The following SDR42E1 variants were observed in gnomAD, a reference collection of about 807,000 sequenced individuals.
The protein encoded by SDR42E1 is short-chain dehydrogenase/reductase family 42E member 1.
In SDR42E1, 5 loss-of-function variants were observed where a neutral mutation model predicts 2.6. The ratio of observed to expected loss-of-function variants is 1.94; its 90% confidence interval spans 1.01 to 4.08. The LOEUF (loss-of-function observed/expected upper bound fraction) is 4.08, where lower values mean the gene tolerates loss of function less well. Among genes scored for constraint, SDR42E1 ranks in the 30% most tolerant of loss-of-function variants. SDR42E1 has a pLI of 0.00. For missense variants in SDR42E1, 596 were observed against 478.6 expected (o/e 1.25, Z -2.29); for synonymous variants, 231 against 188.3 (o/e 1.23, Z -1.86).
rs191827045 is a variant in SDR42E1, at chr16:81,995,672, T to G, written c.*3439A>C. The G allele has an allele frequency of 7.0e-4, 107 of 152,372 alleles. No homozygotes were observed. Among genetic ancestry groups the G allele is most frequent in the African/African-American group, 2.3e-3 (97 of 41,576 alleles). 9.4% of individuals were successfully genotyped at this position (152,372 alleles called of 1,614,324 possible). On this transcript the variant is annotated 3_prime_UTR_variant, in exon 3 of 3. Transcript: ENST00000328945. The stretch of plus-strand genomic sequence containing the variant: ...AAGATTAGAAACAGTGAGTTATCTG[T>G]GTGCTAGAAAAGAGTGTTCATCCAT...
In SDR42E1 at chr16:81,992,270, G is replaced by A. The variant is rs1912445404; in HGVS notation, c.*6841C>T. Reference sequence around the variant, plus strand: ...AGTAATTTAGTTAACTAGGGTGACAGGTTAATATTGATCATTAGCTTCATG... The same window carrying A: ...AGTAATTTAGTTAACTAGGGTGACAAGTTAATATTGATCATTAGCTTCATG... On this transcript the variant is annotated 3_prime_UTR_variant, in exon 3 of 3. Transcript: ENST00000328945. 1 of 152,162 alleles carries A rather than the reference G, an allele frequency of 6.6e-6. No homozygotes were observed. Among genetic ancestry groups the A allele is most frequent in the Non-Finnish European group, 1.5e-5 (1 of 68,036 alleles). 9.4% of individuals were successfully genotyped at this position (152,162 alleles called of 1,614,324 possible).
Position 81,999,515 on chromosome 16 carries a change from CG to C in SDR42E1, c.777del (p.Val260Ter). On this transcript the variant is annotated frameshift_variant, in exon 3 of 3. Transcript: ENST00000328945. LOFTEE classifies it low-confidence loss of function (END_TRUNC). ...GGCCGGAAGAACTCAAAGTTGTTCA[CG>C]GGTCTGCCATCTGAGATGAAGTAGG... ...GQPYFISDGR[P>X]VNNFEFFRPL... The C allele has an allele frequency of 2.5e-6, 4 of 1,614,152 alleles. No homozygotes were observed. Among genetic ancestry groups the C allele is most frequent in the African/African-American group, 2.7e-5 (2 of 75,030 alleles).
Position 81,996,008 on chromosome 16 carries a change from C to G in SDR42E1, c.*3103G>C, listed in dbSNP as rs1374108049. 6.6e-6 allele frequency: 1 copy of G among 152,244 alleles called. No individual in the cohort carries two copies. The highest frequency in any genetic ancestry group is 2.1e-4 in the South Asian group (1 of 4,826). The allele number at this position is 152,244 out of a possible 1,614,324, so 9.4% of individuals were successfully genotyped here. A position where few individuals can be genotyped will look rare whatever the true frequency, so the allele number is the denominator to read the frequency against. On this transcript the variant is annotated 3_prime_UTR_variant, in exon 3 of 3. Coordinates refer to ENST00000328945, the MANE Select transcript of SDR42E1 (RefSeq NM_145168.3). ...ACATTATTCAGGCCAAAAGGAGGAG[C>G]AGGGAGCCTGAGAAGCTTGGAGCCC...
At chr16:82,003,419 T>G (rs146586992) in intron 1 of SDR42E1, among the ~76,000 whole-genome samples, 1 of 152,316 alleles carries the variant, frequency 6.6e-6, no homozygotes, top group African/African-American at 2.4e-5. Context: ...CCCAACACAG[T>G]AGACATCAGT....
In SDR42E1 at chr16:81,990,901, C is replaced by G. The variant is rs1341159669; in HGVS notation, c.*8210G>C. On this transcript the variant is annotated 3_prime_UTR_variant, in exon 3 of 3. Coordinates refer to ENST00000328945, the MANE Select transcript of SDR42E1 (RefSeq NM_145168.3). ...CCCTTCTTTGGGAGAATTTAAACAT[C>G]TAAGGGCACCTCTACAGGCTGGACT... is the stretch of plus-strand genomic sequence containing the variant. 6.6e-6 allele frequency: 1 copy of G among 152,206 alleles called. No homozygotes were observed. Among genetic ancestry groups the G allele is most frequent in the East Asian group, 1.9e-4 (1 of 5,196 alleles). 9.4% of individuals were successfully genotyped at this position (152,206 alleles called of 1,614,324 possible).
In SDR42E1 at chr16:81,999,900, T is replaced by C. The variant is rs767905284; in HGVS notation, c.393A>G (p.Gln131=). The C allele has an allele frequency of 8.7e-6, 14 of 1,614,206 alleles. 1 individual carries two copies. The Middle Eastern group carries it at 1.3e-3, about 152-fold the overall frequency. Residue 131 remains glutamine (Q), a synonymous_variant, in exon 3 of 3, where the codon CAA becomes CAG. Coordinates refer to ENST00000328945, the MANE Select transcript of SDR42E1 (RefSeq NM_145168.3). ...GAGATTCATCCCCATTTCTGATAAC[T>C]TGACCTCCAAAGATGACATTGAAAG... ...TSTFNVIFGG[Q]VIRNGDESLP...
chr16:82,007,105 C>G (rs1014542568), intron 1 of SDR42E1, among the ~76,000 whole-genome samples: 2 of 152,224 alleles, frequency 1.3e-5, no homozygotes, highest in Non-Finnish European at 1.5e-5. Flanking sequence ...GTTTCCCAAG[C>G]TACAGTATAA....
chr16:81,989,196 G>A lies in SDR42E1; in HGVS notation c.*9915C>T, dbSNP rs1430686224. 5.3e-5 allele frequency: 8 copies of A among 152,124 alleles called. No homozygotes were observed. Among genetic ancestry groups the A allele is most frequent in the South Asian group, 2.1e-4 (1 of 4,824 alleles). 9.4% of individuals were successfully genotyped at this position (152,124 alleles called of 1,614,324 possible). On this transcript the variant is annotated 3_prime_UTR_variant, in exon 3 of 3. Coordinates refer to ENST00000328945, the MANE Select transcript of SDR42E1 (RefSeq NM_145168.3). ...ATATGCTTATCATCTTTATATACCC[G>A]GTGACCTCCTATGTCAGCAAATAAA...
In SDR42E1 at chr16:81,991,134, G is replaced by A. The variant is rs1266058745; in HGVS notation, c.*7977C>T. The A allele has an allele frequency of 6.6e-6, 1 of 152,112 alleles. No homozygotes were observed. The highest frequency in any genetic ancestry group is 6.6e-5 in the Admixed American group (1 of 15,260). 9.4% of individuals were successfully genotyped at this position (152,112 alleles called of 1,614,324 possible). A position where few individuals can be genotyped will look rare whatever the true frequency, so the allele number is the denominator to read the frequency against. ...GGTACACAAACAAGTCTTCCTGGAG[G>A]ATGTCCTCTGGGCTATTAAGTATGG... On this transcript the variant is annotated 3_prime_UTR_variant, in exon 3 of 3. Transcript: ENST00000328945.
intron 1 of SDR42E1, 42 bp from the exon 2 acceptor site, chr16:82,000,926 A>C (rs1287983224): frequency 7.4e-7 from 1 of 1,358,910 alleles, no homozygotes; most frequent in Non-Finnish European, 1.0e-6. Context: ...ATCCAAATGC[A>C]AACGTCATTC....
In SDR42E1 at chr16:82,000,182, C is replaced by T. The variant is rs775576467; in HGVS notation, c.111G>A (p.Leu37=). ...TTTGAGCAGGGCTGCTGATGTCAAA[C>T]AGAATCACATGGACTCCATTTTGGT... The part of the protein sequence containing the change: ...ALNQNGVHVI[L]FDISSPAQTI... The change falls in exon 3 of 3, where the codon CTG becomes CTA. Residue 37 remains leucine (L), a synonymous_variant. Transcript: ENST00000328945. The T allele has an allele frequency of 6.2e-7, 1 of 1,611,592 alleles. No individual in the cohort carries two copies. Among genetic ancestry groups the T allele is most frequent in the Non-Finnish European group, 8.5e-7 (1 of 1,178,622 alleles).
At position 82,002,527 on chromosome 16, in the gene SDR42E1, T is replaced by G. The variant is rs919554245; in HGVS notation, c.-26-1643A>C. 5.9e-5 allele frequency among the ~76,000 whole-genome samples: 9 copies of G among 152,334 alleles called. No homozygotes were observed. The South Asian group carries it at 1.4e-3, about 25-fold the overall frequency. On this transcript the variant is annotated intron_variant, in intron 1 of 2. Transcript: ENST00000328945. ...GTTAGCCATTTAATCCTTTTAATAA[T>G]CTTACTAGGAAAGTACTATTAGATC... is the stretch of plus-strand genomic sequence containing the variant.
chr16:81,994,272 A>G lies in SDR42E1; in HGVS notation c.*4839T>C, dbSNP rs1183328811. On this transcript the variant is annotated 3_prime_UTR_variant, in exon 3 of 3. Coordinates refer to ENST00000328945, the MANE Select transcript of SDR42E1 (RefSeq NM_145168.3). Reference sequence around the variant, plus strand: ...TTCTTAACACATAGCTGGACCCAGCAGCCCAAACATCATCAGCACTCGGTC... The same window carrying G: ...TTCTTAACACATAGCTGGACCCAGCGGCCCAAACATCATCAGCACTCGGTC... 1.3e-5 allele frequency: 2 copies of G among 152,406 alleles called. No individual in the cohort carries two copies. Among genetic ancestry groups the G allele is most frequent in the Non-Finnish European group, 2.9e-5 (2 of 68,080 alleles). 9.4% of individuals were successfully genotyped at this position (152,406 alleles called of 1,614,324 possible).
chr16:82,000,112 G>C lies in SDR42E1; in HGVS notation c.181C>G (p.Leu61Val). 1 of 1,614,234 alleles carries C rather than the reference G, an allele frequency of 6.2e-7. No homozygotes were observed. The highest frequency in any genetic ancestry group is 8.5e-7 in the Non-Finnish European group (1 of 1,180,040). Residue 61 changes from leucine (L) to valine (V), a missense_variant, in exon 3 of 3, where the codon CTG becomes GTG. Transcript: ENST00000328945. The stretch of plus-strand genomic sequence containing the variant: ...TGGAAGGCTTTCTCTACGTCAGACA[G>C]GTGGCGGATGTCTCCTTGTATAAAC... ...IKFIQGDIRH[L>V]SDVEKAFQDA...
intron 2 of SDR42E1, 155 bp from the exon 3 acceptor site, chr16:82,000,379 G>A (rs773362001): frequency 1.3e-5 from 12 of 916,762 alleles, no homozygotes; most frequent in South Asian, 6.8e-5. Context: ...TGCAAGCCTC[G>A]CTTCTTCAAA....
In SDR42E1 at chr16:81,996,943, A is replaced by G. The variant is rs961855817; in HGVS notation, c.*2168T>C. 2 of 152,278 alleles carry G rather than the reference A, an allele frequency of 1.3e-5. No homozygotes were observed. The highest frequency in any genetic ancestry group is 4.8e-5 in the African/African-American group (2 of 41,456). 9.4% of individuals were successfully genotyped at this position (152,278 alleles called of 1,614,324 possible). On this transcript the variant is annotated 3_prime_UTR_variant, in exon 3 of 3. Transcript: ENST00000328945. ...AGTGCATGGCTGTGGCTGTGAGTAT[A>G]AAATCTTTTTAAGATCTCAGAAAGG...
At position 81,998,471 on chromosome 16, in the gene SDR42E1, CT is replaced by C. The variant is rs1049839088; in HGVS notation, c.*639del. The C allele has an allele frequency of 2.6e-5, 4 of 152,660 alleles. No homozygotes were observed. The East Asian group carries it at 7.7e-4, about 29-fold the overall frequency. 9.5% of individuals were successfully genotyped at this position (152,660 alleles called of 1,614,324 possible). A position where few individuals can be genotyped will look rare whatever the true frequency, so the allele number is the denominator to read the frequency against. On this transcript the variant is annotated 3_prime_UTR_variant, in exon 3 of 3. Transcript: ENST00000328945. ...GAATGGCTATGTGTGTTGAGGAGCG[CT>C]TTGTATGCTTGAATTTAATCCTCAA...
Position 82,000,226 on chromosome 16 carries a change from T to C in SDR42E1, c.69-2A>G. ...TTTTGGTTCAGGGCACAGCCCAGGC[T>C]GAAATAAGAAACAGTAAACGTTGAA... On this transcript the variant is annotated splice_acceptor_variant, in intron 2 of 2. Coordinates refer to ENST00000328945, the MANE Select transcript of SDR42E1 (RefSeq NM_145168.3). LOFTEE classifies it high-confidence loss of function. The C allele has an allele frequency of 6.2e-7, 1 of 1,604,092 alleles. No homozygotes were observed. Among genetic ancestry groups the C allele is most frequent in the East Asian group, 2.2e-5 (1 of 44,788 alleles).
At chr16:82,009,880 C>A (rs140889642) in intron 1 of SDR42E1, among the ~76,000 whole-genome samples, 7 of 152,358 alleles carry the variant, frequency 4.6e-5, no homozygotes, top group South Asian at 2.1e-4. Flanking sequence ...ATAATTACCA[C>A]GTGTCCTGGG....
Sources: gnomAD v4.1 joint callset for allele counts (sites outside exome capture counted in the v4.1 genomes callset) on GRCh38, gnomAD v4.1.1 for gene constraint, MANE v1.5 for transcripts, NCBI Gene and HGNC (gene_info 2026-07-23, HGNC 2026-07-21) for gene names.